Variants in PACRG observed in about 807,000 individuals in gnomAD.
The protein encoded by PACRG is parkin coregulated gene protein.
In PACRG, 29 loss-of-function variants were observed where a neutral mutation model predicts 29.7. The observed-to-expected ratio is 0.98, with a 90% CI of 0.73 to 1.33. The LOEUF (loss-of-function observed/expected upper bound fraction) is 1.33, where lower values mean the gene tolerates loss of function less well. Ranked by LOEUF, PACRG falls within the 40% of genes most tolerant of loss-of-function variation. PACRG has a pLI of 0.00. For synonymous variants in PACRG, 116 were observed against 118.7 expected (o/e 0.98, Z 0.15); for missense variants, 279 against 316.2 (o/e 0.88, Z 0.89).
chr6:163,191,059 A>C (rs1346795007), intron 4 of PACRG: 2 of 432,680 alleles, frequency 4.6e-6, no homozygotes, highest in Non-Finnish European at 4.6e-6. Context: ...TTTGAAAAAC[A>C]AAACAAACAA....
At chr6:162,954,011 C>T (rs1799844228) in intron 2 of PACRG, among the ~76,000 whole-genome samples, 1 of 151,972 alleles carries the variant, frequency 6.6e-6, no homozygotes, top group African/African-American at 2.4e-5. Flanking sequence ...TACCTATAAC[C>T]TCAATATTTT....
rs570437 is a variant in PACRG, at chr6:163,073,263, G to C, written c.463+10942G>C. On this transcript the variant is annotated intron_variant, in intron 3 of 4. Coordinates refer to ENST00000366888, the MANE Select transcript of PACRG (RefSeq NM_001080379.2). The stretch of plus-strand genomic sequence containing the variant: ...CCAGTGGAACAGCATAGATAAGAGA[G>C]AAGTCAGAAATAAGTCCATACATCT... Among the ~76,000 whole-genome samples, 7 of 152,028 alleles carry C rather than the reference G, an allele frequency of 4.6e-5. No individual in the cohort carries two copies. In the Middle Eastern group the frequency reaches 0.01, roughly 222 times the overall value.
chr6:163,058,854 C>T (rs919406097), intron 2 of PACRG, among the ~76,000 whole-genome samples: 2 of 152,082 alleles, frequency 1.3e-5, no homozygotes, highest in Non-Finnish European at 2.9e-5. Context: ...GAGCCGAGCT[C>T]GCACCACTGC....
chr6:163,130,720 C>T (rs1008597791), intron 4 of PACRG, among the ~76,000 whole-genome samples: 3 of 152,224 alleles, frequency 2.0e-5, no homozygotes, highest in Admixed American at 2.0e-4. Flanking sequence ...AAGCCCTGCT[C>T]TTGCCAGGCT....
intron 4 of PACRG, among the ~76,000 whole-genome samples, chr6:163,211,566 C>G (rs1189325594): frequency 6.6e-6 from 1 of 151,906 alleles, no homozygotes; most frequent in Non-Finnish European, 1.5e-5. Flanking sequence ...TTTACAGAAG[C>G]CTTTGGACAA....
intron 2 of PACRG, among the ~76,000 whole-genome samples, chr6:162,896,544 T>G (rs55762763): frequency 2.0e-5 from 3 of 152,014 alleles, no homozygotes; most frequent in Non-Finnish European, 1.5e-5. Context: ...ATCTTGGATG[T>G]GTAAGAATTA....
rs150892091 is a variant in PACRG at position 162,754,455 on chromosome 6, C to G, written c.156+26064C>G. On this transcript the variant is annotated intron_variant, in intron 1 of 4. Transcript: ENST00000366888. ...TATTGTTTCCTTTGCTGTGCAGAAA[C>G]TTTTTAGTTTGATGCCATCCATTTG... Among the ~76,000 whole-genome samples, 39 of 152,208 alleles carry G rather than the reference C, an allele frequency of 2.6e-4. 1 individual carries two copies. Among genetic ancestry groups the G allele is most frequent in the Non-Finnish European group, 4.7e-4 (32 of 67,988 alleles).
chr6:163,094,255 T>A (rs1814371170), intron 4 of PACRG, among the ~76,000 whole-genome samples: 1 of 152,226 alleles, frequency 6.6e-6, no homozygotes, highest in Non-Finnish European at 1.5e-5. Flanking sequence ...TTCAGGTTCA[T>A]CCCCCATGGA....
At chr6:162,875,881 A>G (rs745735495) in intron 2 of PACRG, among the ~76,000 whole-genome samples, 9 of 152,224 alleles carry the variant, frequency 5.9e-5, no homozygotes, top group Admixed American at 2.6e-4. Context: ...AGTCTTGGAA[A>G]TAATTTTTCT....
At chr6:162,757,753 T>G (rs1403139258) in intron 1 of PACRG, among the ~76,000 whole-genome samples, 1 of 151,956 alleles carries the variant, frequency 6.6e-6, no homozygotes, top group Non-Finnish European at 1.5e-5. Flanking sequence ...ACATGGTTGC[T>G]ACACATGCAT....
intron 4 of PACRG, among the ~76,000 whole-genome samples, chr6:163,115,824 G>C (rs1815962050): frequency 6.6e-6 from 1 of 152,186 alleles, no homozygotes; most frequent in Admixed American, 6.5e-5. Context: ...GCATTCCTCT[G>C]TCAGTTTCAG....
At chr6:162,810,354 G>T (rs1786744733) in intron 1 of PACRG, among the ~76,000 whole-genome samples, 1 of 152,110 alleles carries the variant, frequency 6.6e-6, no homozygotes, top group Admixed American at 6.5e-5. Context: ...GAAGCTTTAA[G>T]ATCTCATAAT....
chr6:163,292,602 A>G (rs10945887), intron 4 of PACRG, among the ~76,000 whole-genome samples: 1,962 of 150,088 alleles, frequency 0.013, 17 homozygotes, highest in Non-Finnish European at 0.02. Flanking sequence ...TTATTTATTT[A>G]TTAGTAGAGA....
At chr6:162,808,710 C>T (rs1192298556) in intron 1 of PACRG, among the ~76,000 whole-genome samples, 3 of 152,142 alleles carry the variant, frequency 2.0e-5, no homozygotes, top group Non-Finnish European at 4.4e-5. Context: ...GCTGTAACAT[C>T]CATTCTTCCC....
At chr6:162,742,440 T>C (rs1048953743) in intron 1 of PACRG, among the ~76,000 whole-genome samples, 5 of 152,202 alleles carry the variant, frequency 3.3e-5, no homozygotes, top group Non-Finnish European at 5.9e-5. Context: ...TCTTTTTCTT[T>C]ATAAATTACC....
intron 2 of PACRG, among the ~76,000 whole-genome samples, chr6:163,050,985 G>A (rs1435804997): frequency 2.0e-5 from 3 of 152,054 alleles, no homozygotes; most frequent in South Asian, 2.1e-4. Flanking sequence ...TGAGTGACTC[G>A]AGGGAGCATC....
At chr6:163,186,442 C>A (rs1243338166) in intron 4 of PACRG, among the ~76,000 whole-genome samples, 1 of 152,134 alleles carries the variant, frequency 6.6e-6, no homozygotes, top group Non-Finnish European at 1.5e-5. Flanking sequence ...CAGACACACA[C>A]ACACAGACTA....
In PACRG at chr6:162,900,076, G is replaced by A. The variant is rs530244598; in HGVS notation, c.291+85795G>A. ...TTCCTTATGGTCAGACCGGAACATCGTAATGCTCCCTCGAGAACTGATGCT... is the reference window on the plus strand; with the variant it reads ...TTCCTTATGGTCAGACCGGAACATCATAATGCTCCCTCGAGAACTGATGCT... On this transcript the variant is annotated intron_variant, in intron 2 of 4. Transcript: ENST00000366888. Among the ~76,000 whole-genome samples, 14 of 152,180 alleles carry A rather than the reference G, an allele frequency of 9.2e-5. No individual in the cohort carries two copies. In the East Asian group the frequency reaches 1.2e-3, roughly 13 times the overall value.
intron 2 of PACRG, among the ~76,000 whole-genome samples, chr6:162,832,368 T>C (rs1014102997): frequency 2.0e-5 from 3 of 152,224 alleles, no homozygotes; most frequent in African/African-American, 7.2e-5. Context: ...TTGTTTGTTT[T>C]TTTAAGAAAA....
Sources: allele counts gnomAD v4.1 joint callset (sites outside exome capture counted in the v4.1 genomes callset), GRCh38; gene constraint gnomAD v4.1.1; transcripts MANE v1.5; gene names NCBI Gene and HGNC (gene_info 2026-07-23, HGNC 2026-07-21).